The following ERBB4 variants were observed in gnomAD, a reference collection of about 807,000 sequenced individuals.
ERBB4 encodes the protein receptor tyrosine-protein kinase erbB-4.
In ERBB4, 42 loss-of-function variants were observed where a neutral mutation model predicts 158.0. The observed-to-expected ratio is 0.27, with a 90% CI of 0.21 to 0.34. ERBB4 has a LOEUF of 0.34. ERBB4 is among the 10% of genes least tolerant of loss of function. The pLI is 1.00. For synonymous variants in ERBB4, 583 were observed against 558.7 expected (o/e 1.04, Z -0.61); for missense variants, 1,333 against 1,624.1 (o/e 0.82, Z 3.08).
At position 212,192,178 on chromosome 2, in the gene ERBB4, TA is replaced by T. The variant is rs1188618782; in HGVS notation, c.83-67276del. ...ATTATATTATATGTGTTATATATTATATATATAATATTAGATATATATATTC... is the reference window on the plus strand; with the variant it reads ...ATTATATTATATGTGTTATATATTATTATATAATATTAGATATATATATTC... On this transcript the variant is annotated intron_variant, in intron 1 of 27. Coordinates refer to ENST00000342788, the MANE Select transcript of ERBB4 (RefSeq NM_005235.3). 5.2e-4 allele frequency among the ~76,000 whole-genome samples: 76 copies of T among 146,630 alleles called. 2 individuals are homozygous for T. The South Asian group carries it at 0.016, about 31-fold the overall frequency.
intron 1 of ERBB4, among the ~76,000 whole-genome samples, chr2:212,382,675 C>G (rs10195551): frequency 0.11 from 16,925 of 151,032 alleles, 1,039 homozygotes; most frequent in African/African-American, 0.14. Flanking sequence ...AAAGTGTTTT[C>G]TAGATTACAA....
rs888344798 is a variant in ERBB4, at chr2:211,808,153, G to C, written c.422-19994C>G. Among the ~76,000 whole-genome samples the C allele has an allele frequency of 2.0e-5, 3 of 152,066 alleles. No individual in the cohort carries two copies. The East Asian group carries it at 5.8e-4, about 29-fold the overall frequency. Reference sequence around the variant, plus strand: ...TAATTAGATCCCATTTGTCAATTTTGGCCTTTATTGCCATTGTTTTTGGTG... The same window carrying C: ...TAATTAGATCCCATTTGTCAATTTTCGCCTTTATTGCCATTGTTTTTGGTG... On this transcript the variant is annotated intron_variant, in intron 3 of 27. Coordinates refer to ENST00000342788, the MANE Select transcript of ERBB4 (RefSeq NM_005235.3).
intron 20 of ERBB4, among the ~76,000 whole-genome samples, chr2:211,531,772 A>G (rs1422170331): frequency 6.6e-6 from 1 of 152,036 alleles, no homozygotes; most frequent in Non-Finnish European, 1.5e-5. Flanking sequence ...AAAACTAAAA[A>G]TGGGGTGCCA....
At chr2:211,729,129 T>C (rs1240245217) in intron 5 of ERBB4, among the ~76,000 whole-genome samples, 4 of 151,776 alleles carry the variant, frequency 2.6e-5, no homozygotes, top group African/African-American at 9.7e-5. Context: ...TTTTTGAAAA[T>C]AGCAACTTTT....
chr2:211,450,611 G>A (rs891192607), intron 20 of ERBB4, among the ~76,000 whole-genome samples: 7 of 152,074 alleles, frequency 4.6e-5, no homozygotes, highest in African/African-American at 1.7e-4. Flanking sequence ...ATGAGAGAGA[G>A]GAAGAAACAA....
rs2105920292 is a variant in ERBB4, at chr2:211,665,535, A to T, written c.1717-58T>A. On this transcript the variant is annotated intron_variant, in intron 14 of 27. Coordinates refer to ENST00000342788, the MANE Select transcript of ERBB4 (RefSeq NM_005235.3). Reference sequence around the variant, plus strand: ...GAAAAGTGGTGTCATTTCCTCTGGAATGTATTCATGTGGTTTAGTTACTGA... The same window carrying T: ...GAAAAGTGGTGTCATTTCCTCTGGATTGTATTCATGTGGTTTAGTTACTGA... 2.6e-6 allele frequency: 4 copies of T among 1,536,684 alleles called. No homozygotes were observed. In the Middle Eastern group the frequency reaches 5.0e-4, roughly 194 times the overall value.
intron 1 of ERBB4, among the ~76,000 whole-genome samples, chr2:212,380,640 A>T (rs989406245): frequency 7.3e-5 from 11 of 151,018 alleles, no homozygotes; most frequent in African/African-American, 2.7e-4. Flanking sequence ...TTTATATTAA[A>T]TATATTTTAT....
intron 12 of ERBB4, among the ~76,000 whole-genome samples, chr2:211,680,845 G>A (rs78181683): frequency 1.3e-5 from 2 of 152,034 alleles, no homozygotes; most frequent in African/African-American, 4.8e-5. Flanking sequence ...ATCTGTGTCT[G>A]TGTGCAGCAG....
At chr2:212,068,799 A>G (rs2078020443) in intron 2 of ERBB4, among the ~76,000 whole-genome samples, 1 of 152,136 alleles carries the variant, frequency 6.6e-6, no homozygotes, top group Non-Finnish European at 1.5e-5. Context: ...AATCACAAAT[A>G]AAGCCAACTG....
intron 20 of ERBB4, among the ~76,000 whole-genome samples, chr2:211,510,491 T>C (rs1379546433): frequency 6.6e-6 from 1 of 152,106 alleles, no homozygotes; most frequent in African/African-American, 2.4e-5. Flanking sequence ...GAAGACAGCA[T>C]AGTGCCATGT....
At chr2:211,759,323 C>G (rs1243837435) in intron 4 of ERBB4, among the ~76,000 whole-genome samples, 2 of 152,144 alleles carry the variant, frequency 1.3e-5, no homozygotes, top group Non-Finnish European at 2.9e-5. Flanking sequence ...ACCCTGGCCC[C>G]TTTACAATCT....
intron 21 of ERBB4, 89 bp from the exon 22 acceptor site, chr2:211,428,572 C>G (rs1298298119): frequency 5.6e-6 from 4 of 712,550 alleles, no homozygotes; most frequent in Non-Finnish European, 1.0e-5. Flanking sequence ...TTGGGCTGGC[C>G]TTAATCATAT....
intron 20 of ERBB4, among the ~76,000 whole-genome samples, chr2:211,504,182 A>G (rs1290945928): frequency 6.6e-6 from 1 of 152,140 alleles, no homozygotes; most frequent in Non-Finnish European, 1.5e-5. Context: ...TAATTTCTGC[A>G]GACAGAAGTG....
At chr2:212,350,518 T>A (rs2089207311) in intron 1 of ERBB4, among the ~76,000 whole-genome samples, 1 of 152,098 alleles carries the variant, frequency 6.6e-6, no homozygotes, top group Non-Finnish European at 1.5e-5. Flanking sequence ...ATGTGCCAAC[T>A]AAAAGAGATA....
intron 20 of ERBB4, among the ~76,000 whole-genome samples, chr2:211,467,167 G>A (rs1395787484): frequency 1.3e-5 from 2 of 152,080 alleles, no homozygotes; most frequent in African/African-American, 2.4e-5. Context: ...TTCATTGATA[G>A]TAACGTACCT....
Position 211,531,929 on chromosome 2 carries a change from T to C in ERBB4, c.2487+29974A>G, listed in dbSNP as rs140369278. Among the ~76,000 whole-genome samples the C allele has an allele frequency of 3.4e-3, 520 of 152,144 alleles. 3 individuals are homozygous for C. The highest frequency in any genetic ancestry group is 0.012 in the African/African-American group (506 of 41,538). ...ACCTAAATGTCCATCCACAGATGAA[T>C]GGATAAAGAAAATCTGGTACATATT... On this transcript the variant is annotated intron_variant, in intron 20 of 27. Coordinates refer to ENST00000342788, the MANE Select transcript of ERBB4 (RefSeq NM_005235.3).
chr2:212,412,116 C>CCAT (rs2091517216), intron 1 of ERBB4, among the ~76,000 whole-genome samples: 1 of 152,156 alleles, frequency 6.6e-6, no homozygotes, highest in African/African-American at 2.4e-5. Context: ...ATGCCCACAC[C>CCAT]CATTCCCTTC....
chr2:212,444,235 G>A (rs1574929142), intron 1 of ERBB4, among the ~76,000 whole-genome samples: 1 of 152,178 alleles, frequency 6.6e-6, no homozygotes, highest in African/African-American at 2.4e-5. Flanking sequence ...ACCTGAAAGT[G>A]GACAGCTGTA....
intron 2 of ERBB4, among the ~76,000 whole-genome samples, chr2:212,008,071 CAA>C (rs1240120571): frequency 1.3e-5 from 2 of 152,030 alleles, no homozygotes; most frequent in Non-Finnish European, 2.9e-5. Context: ...AAAAATGTCT[CAA>C]GTTAACATTT....
Sources: gnomAD v4.1 joint callset for allele counts (sites outside exome capture counted in the v4.1 genomes callset) on GRCh38, gnomAD v4.1.1 for gene constraint, MANE v1.5 for transcripts, NCBI Gene and HGNC (gene_info 2026-07-23, HGNC 2026-07-21) for gene names.